The following SYT14 variants were observed in gnomAD, a reference collection of about 807,000 sequenced individuals.
SYT14 encodes synaptotagmin 14.
Under a neutral mutation model 74.2 loss-of-function variants are expected in SYT14, and 32 were observed. The observed-to-expected ratio is 0.43, with a 90% confidence interval of 0.33 to 0.58. The LOEUF is 0.58. Among genes scored for constraint, SYT14 ranks in the 20% least tolerant of loss-of-function variants. SYT14 has a pLI of 0.05. For missense variants in SYT14, 791 were observed against 981.8 expected (o/e 0.81, Z 2.60); for synonymous variants, 298 against 337.7 (o/e 0.88, Z 1.29).
intron 7 of SYT14, among the ~76,000 whole-genome samples, chr1:210,124,968 A>G (rs2082538660): frequency 6.6e-6 from 1 of 151,838 alleles, no homozygotes; most frequent in South Asian, 2.1e-4. Flanking sequence ...TTTGTGCATG[A>G]TTTGCGAAGT....
At chr1:210,017,528 TTTAA>T (rs550511644) in intron 4 of SYT14, among the ~76,000 whole-genome samples, 5 of 152,338 alleles carry the variant, frequency 3.3e-5, no homozygotes, top group Admixed American at 2.6e-4. Context: ...ATATCAAATG[TTTAA>T]TTATTTCTTT....
exon 10 of SYT14, chr1:210,168,064 C>CGGTGGT (rs34654082): frequency 1.3e-5 from 2 of 152,964 alleles, no homozygotes; most frequent in Non-Finnish European, 2.9e-5. Flanking sequence ...GTTGCTGTTT[C>CGGTGGT]GGTGGTGGTG....
rs377266767 is a variant in SYT14 at position 210,021,272 on chromosome 1, A to T, written c.1312+18A>T. ...AGATGAAGGTAAGATGGGCTGTTTT[A>T]TTTTTTTTACATGACACACTATAGT... On this transcript the variant is annotated intron_variant, in intron 5 of 9. Transcript: ENST00000637265. The T allele has an allele frequency of 5.0e-6, 8 of 1,603,050 alleles. No homozygotes were observed. The highest frequency in any genetic ancestry group is 1.7e-5 in the Admixed American group (1 of 59,908).
rs17015578 is a variant in SYT14 at position 210,079,935 on chromosome 1, T to G, written c.1313-14387T>G. On this transcript the variant is annotated intron_variant, in intron 5 of 9. Coordinates refer to ENST00000637265, the Ensembl canonical transcript of SYT14. ...AATAGGGAATTATTTATCAAGAGTC[T>G]TTTAGTTTCAGTATAGTTGAACAAA... 7.5e-3 allele frequency among the ~76,000 whole-genome samples: 1,146 copies of G among 152,284 alleles called. 18 individuals are homozygous for G. Among genetic ancestry groups the G allele is most frequent in the African/African-American group, 0.026 (1,092 of 41,518 alleles).
rs570565110 is a variant in SYT14 at position 209,991,118 on chromosome 1, C to CA, written c.-485-22509dup. Among the ~76,000 whole-genome samples the CA allele has an allele frequency of 6.1e-4, 93 of 152,170 alleles. 2 individuals are homozygous for CA. In the South Asian group the frequency reaches 7.3e-3, roughly 12 times the overall value. ...CTGGACTCCTAACTCTCACCACATA[C>CA]AAAAAATAACTCAAGATGGATTAAA... is the stretch of plus-strand genomic sequence containing the variant. On this transcript the variant is annotated intron_variant, in intron 2 of 9. Coordinates refer to ENST00000637265, the Ensembl canonical transcript of SYT14.
chr1:209,961,603 G>A (rs752717055), intron 2 of SYT14, among the ~76,000 whole-genome samples: 11 of 152,138 alleles, frequency 7.2e-5, no homozygotes, highest in Non-Finnish European at 1.5e-4. Flanking sequence ...TGAGGATCAA[G>A]TGAAATAAAG....
chr1:209,943,825 T>C (rs922220930), intron 1 of SYT14, among the ~76,000 whole-genome samples: 1 of 152,192 alleles, frequency 6.6e-6, no homozygotes, highest in African/African-American at 2.4e-5. Flanking sequence ...AACTACTATA[T>C]ATAAAACATT....
intron 2 of SYT14, among the ~76,000 whole-genome samples, chr1:209,981,472 G>A (rs1231206076): frequency 3.0e-5 from 2 of 67,554 alleles, no homozygotes; most frequent in African/African-American, 9.8e-5. Context: ...TTTTTTTTGA[G>A]GCAGGATCTC....
At chr1:210,028,870 C>T (rs1387835142) in intron 5 of SYT14, among the ~76,000 whole-genome samples, 1 of 152,150 alleles carries the variant, frequency 6.6e-6, no homozygotes. Context: ...AGTGACTATA[C>T]TATTTTACAT....
chr1:209,974,762 G>C (rs1372934764), intron 2 of SYT14, among the ~76,000 whole-genome samples: 1 of 152,178 alleles, frequency 6.6e-6, no homozygotes, highest in Non-Finnish European at 1.5e-5. Context: ...GTCATTGGTA[G>C]CTTGATGGAG....
At chr1:210,009,576 A>G (rs1043302410) in intron 2 of SYT14, among the ~76,000 whole-genome samples, 2 of 152,064 alleles carry the variant, frequency 1.3e-5, no homozygotes, top group Non-Finnish European at 2.9e-5. Context: ...GATATTTACC[A>G]TTAATAAAGC....
chr1:210,029,195 CA>C (rs2080476253), intron 5 of SYT14, among the ~76,000 whole-genome samples: 1 of 152,108 alleles, frequency 6.6e-6, no homozygotes, highest in Non-Finnish European at 1.5e-5. Flanking sequence ...ATATGGTTTG[CA>C]AATATTTTTT....
At chr1:210,078,288 C>T (rs373523973) in intron 5 of SYT14, among the ~76,000 whole-genome samples, 2 of 106,858 alleles carry the variant, frequency 1.9e-5, no homozygotes, top group Admixed American at 1.5e-4. Context: ...CCAGCCTGGG[C>T]GACAGAGCGA....
chr1:210,078,303 CCG>C (rs2081546594), intron 5 of SYT14, among the ~76,000 whole-genome samples: 1 of 87,884 alleles, frequency 1.1e-5, no homozygotes, highest in Non-Finnish European at 2.0e-5. Context: ...GAGCGAGACT[CCG>C]TCTCAAAAAA....
chr1:209,990,171 C>G (rs2079640028), intron 2 of SYT14, among the ~76,000 whole-genome samples: 1 of 151,992 alleles, frequency 6.6e-6, no homozygotes, highest in South Asian at 2.1e-4. Flanking sequence ...TTCCCTCCAC[C>G]TTTCATCTGT....
intron 2 of SYT14, among the ~76,000 whole-genome samples, chr1:209,982,377 A>G (rs541963306): frequency 2.8e-4 from 42 of 152,232 alleles, no homozygotes; most frequent in Admixed American, 5.9e-4. Flanking sequence ...TCTGGTTTCA[A>G]ATTTCTGAGT....
At chr1:210,154,539 A>T (rs548915648) in intron 7 of SYT14, among the ~76,000 whole-genome samples, 1 of 152,044 alleles carries the variant, frequency 6.6e-6, no homozygotes, top group Admixed American at 6.6e-5. Flanking sequence ...TTATTTTTTC[A>T]TGGTCTCTAG....
intron 1 of SYT14, among the ~76,000 whole-genome samples, chr1:209,943,666 C>CATAGTAT (rs1202106680): frequency 6.6e-6 from 1 of 151,984 alleles, no homozygotes; most frequent in African/African-American, 2.4e-5. Context: ...TATGTTCGCA[C>CATAGTAT]ATAGTATATG....
chr1:209,970,943 G>C (rs2079244306), intron 2 of SYT14, among the ~76,000 whole-genome samples: 1 of 151,874 alleles, frequency 6.6e-6, no homozygotes, highest in Admixed American at 6.6e-5. Flanking sequence ...GCCTCCCAAA[G>C]TGCTGGGATT....
Sources: allele counts gnomAD v4.1 joint callset (sites outside exome capture counted in the v4.1 genomes callset), GRCh38; gene constraint gnomAD v4.1.1; transcripts MANE v1.5; gene names NCBI Gene and HGNC (gene_info 2026-07-23, HGNC 2026-07-21).